Variants in TDRD3 observed in about 807,000 individuals in gnomAD.
TDRD3 encodes tudor domain containing 3.
Under a neutral mutation model 86.7 loss-of-function variants are expected in TDRD3, and 45 were observed. That is an observed-to-expected ratio of 0.52 (90% CI 0.41 to 0.67). The LOEUF is 0.67. Among genes scored for constraint, TDRD3 ranks in the 30% least tolerant of loss-of-function variants. TDRD3 has a pLI of 0.00. For synonymous variants in TDRD3, 298 were observed against 301.7 expected (o/e 0.99, Z 0.13); for missense variants, 814 against 889.0 (o/e 0.92, Z 1.07).
At chr13:60,450,560 G>A (rs1172866598) in intron 3 of TDRD3, among the ~76,000 whole-genome samples, 8 of 152,084 alleles carry the variant, frequency 5.3e-5, no homozygotes, top group Admixed American at 3.3e-4. Context: ...AAGAACTTAT[G>A]TAAAGATCCT....
At chr13:60,478,291 A>ATTTTT in intron 5 of TDRD3, among the ~76,000 whole-genome samples, 1 of 74,300 alleles carries the variant, frequency 1.3e-5, no homozygotes, top group Non-Finnish European at 2.4e-5. Flanking sequence ...CAGTCTACCA[A>ATTTTT]TTTTTTTTTT....
At chr13:60,568,475 A>G (rs542346982) in intron 13 of TDRD3, among the ~76,000 whole-genome samples, 84 of 152,246 alleles carry the variant, frequency 5.5e-4, no homozygotes, top group Non-Finnish European at 9.1e-4. Context: ...TCAAAAGAAT[A>G]TGTAAGGACT....
intron 1 of TDRD3, among the ~76,000 whole-genome samples, chr13:60,404,396 C>T (rs868630588): frequency 5.4e-5 from 8 of 148,926 alleles, no homozygotes; most frequent in Non-Finnish European, 1.2e-4. Context: ...CTGCAAGCTC[C>T]GCCTCCCGGG....
chr13:60,450,405 C>T (rs796189945), intron 3 of TDRD3, among the ~76,000 whole-genome samples: 28 of 152,152 alleles, frequency 1.8e-4, no homozygotes, highest in African/African-American at 6.3e-4. Flanking sequence ...CAGGCTTTGG[C>T]ATGAGATAGA....
chr13:60,534,849 G>T (rs1010470536), intron 11 of TDRD3, among the ~76,000 whole-genome samples: 1 of 150,280 alleles, frequency 6.7e-6, no homozygotes, highest in African/African-American at 2.5e-5. Flanking sequence ...GATCGCTTGG[G>T]CTGGGGAGGC....
At chr13:60,527,401 T>C (rs1327088909) in intron 10 of TDRD3, among the ~76,000 whole-genome samples, 1 of 152,132 alleles carries the variant, frequency 6.6e-6, no homozygotes, top group East Asian at 1.9e-4. Context: ...TCACCCAAGA[T>C]GTCAGTGGAG....
intron 5 of TDRD3, among the ~76,000 whole-genome samples, chr13:60,477,706 A>G (rs762351146): frequency 3.3e-5 from 5 of 152,224 alleles, no homozygotes; most frequent in Non-Finnish European, 5.9e-5. Flanking sequence ...CCAACATTGC[A>G]TCCCAGGGAT....
intron 1 of TDRD3, among the ~76,000 whole-genome samples, chr13:60,425,619 G>T (rs1056149145): frequency 6.6e-6 from 1 of 152,002 alleles, no homozygotes. Flanking sequence ...AATGTCCATC[G>T]ATGGAAAAAT....
chr13:60,400,555 T>G (rs1224636287), intron 1 of TDRD3, among the ~76,000 whole-genome samples: 1 of 151,918 alleles, frequency 6.6e-6, no homozygotes, highest in Non-Finnish European at 1.5e-5. Context: ...GCAAAAATGG[T>G]GAAACCCCGT....
intron 5 of TDRD3, 44 bp from the exon 6 acceptor site, chr13:60,483,731 T>C: frequency 6.5e-7 from 1 of 1,544,184 alleles, no homozygotes; most frequent in Non-Finnish European, 8.8e-7. Flanking sequence ...GGAAATATAT[T>C]TTTTATGTAT....
At chr13:60,404,557 G>A (rs934987042) in intron 1 of TDRD3, among the ~76,000 whole-genome samples, 4 of 151,680 alleles carry the variant, frequency 2.6e-5, no homozygotes, top group Non-Finnish European at 4.4e-5. Context: ...TGATCCGCCC[G>A]CCTCGGCCTC....
intron 1 of TDRD3, among the ~76,000 whole-genome samples, chr13:60,399,036 T>C (rs1954023994): frequency 6.6e-6 from 1 of 152,212 alleles, no homozygotes; most frequent in Admixed American, 6.5e-5. Flanking sequence ...GAAAGATTAG[T>C]CTCATTTTTT....
At chr13:60,462,523 A>G (rs1211451198) in intron 4 of TDRD3, among the ~76,000 whole-genome samples, 2 of 152,232 alleles carry the variant, frequency 1.3e-5, no homozygotes, top group African/African-American at 4.8e-5. Flanking sequence ...ATAAGTTTAT[A>G]GTTATCTTAG....
chr13:60,542,384 G>A (rs1177782765), intron 12 of TDRD3, among the ~76,000 whole-genome samples: 2 of 152,050 alleles, frequency 1.3e-5, no homozygotes, highest in Admixed American at 1.3e-4. Flanking sequence ...CATGCATCTT[G>A]ACACTCATGT....
chr13:60,539,056 G>A (rs934279507), intron 12 of TDRD3, among the ~76,000 whole-genome samples: 1 of 152,108 alleles, frequency 6.6e-6, no homozygotes. Flanking sequence ...GTAGGTAATT[G>A]TTAGTTCTAA....
At chr13:60,436,269 CTACT>C (rs1416233135) in intron 1 of TDRD3, among the ~76,000 whole-genome samples, 2 of 151,892 alleles carry the variant, frequency 1.3e-5, no homozygotes, top group African/African-American at 2.4e-5. Flanking sequence ...TAATTAAGTT[CTACT>C]TACTTTTTAT....
At chr13:60,470,374 C>G (rs1227462410) in intron 5 of TDRD3, among the ~76,000 whole-genome samples, 1 of 152,048 alleles carries the variant, frequency 6.6e-6, no homozygotes, top group East Asian at 1.9e-4. Flanking sequence ...GCTTTCAATT[C>G]TTTTGTGTGA....
At position 60,485,941 on chromosome 13, in the gene TDRD3, G is replaced by T. The variant is rs1483660299; in HGVS notation, c.710G>T (p.Ser237Ile). The T allele has an allele frequency of 6.2e-7, 1 of 1,603,822 alleles. No individual in the cohort carries two copies. Among genetic ancestry groups the T allele is most frequent in the Admixed American group, 1.7e-5 (1 of 58,108 alleles). The change falls in exon 7 of 14, where the codon AGC becomes ATC. Residue 237 changes from serine to isoleucine, a missense_variant. Transcript: ENST00000377881. ...GCTGCTATTGCTGAAGTTGCAAAGA[G>T]CAAGGAAGTAAGAAATCAAATCATT... ...RTAAIAEVAK[S>I]KETKTFGGGG... is the part of the protein sequence containing the mutation.
intron 5 of TDRD3, among the ~76,000 whole-genome samples, chr13:60,477,328 C>T (rs1381914999): frequency 6.6e-6 from 1 of 151,956 alleles, no homozygotes; most frequent in Non-Finnish European, 1.5e-5. Context: ...GATCCTCCTG[C>T]CTCAGTCTCC....
Sources: gnomAD v4.1 joint callset for allele counts (sites outside exome capture counted in the v4.1 genomes callset) on GRCh38, gnomAD v4.1.1 for gene constraint, MANE v1.5 for transcripts, NCBI Gene and HGNC (gene_info 2026-07-23, HGNC 2026-07-21) for gene names.